Variants in TENM2 observed in about 807,000 individuals in gnomAD.
The protein encoded by TENM2 is teneurin transmembrane protein 2, also known as teneurin-2.
TENM2 carries 52 observed loss-of-function variants against 245.2 expected under a neutral mutation model. That is an observed-to-expected ratio of 0.21 (90% confidence interval 0.17 to 0.27). TENM2 has a LOEUF of 0.27. Ranked by LOEUF, TENM2 falls within the 10% of genes least tolerant of loss-of-function variation. The pLI, the probability that TENM2 is intolerant of heterozygous loss-of-function variation, is 1.00. For synonymous variants in TENM2, 1,363 were observed against 1,438.9 expected (o/e 0.95, Z 1.19); for missense variants, 3,046 against 3,666.8 (o/e 0.83, Z 4.37).
the TENM2 span, among the ~76,000 whole-genome samples, chr5:166,989,685 C>A: frequency 6.6e-6 from 1 of 151,608 alleles, no homozygotes; most frequent in African/African-American, 2.4e-5. Flanking sequence ...AGCCACTGCA[C>A]CTGGCCTACC....
the TENM2 span, among the ~76,000 whole-genome samples, chr5:167,106,550 A>C: frequency 6.6e-6 from 1 of 152,248 alleles, no homozygotes; most frequent in Non-Finnish European, 1.5e-5. Flanking sequence ...ATTTTGATTT[A>C]ATTCTAGAGG....
At chr5:167,413,297 T>C (rs1418678325) in intron 2 of TENM2, among the ~76,000 whole-genome samples, 1 of 152,062 alleles carries the variant, frequency 6.6e-6, no homozygotes, top group African/African-American at 2.4e-5. Context: ...TGTAGGTCTC[T>C]GATTGAGTAA....
At chr5:167,364,429 T>C (rs1759916116) in intron 1 of TENM2, among the ~76,000 whole-genome samples, 1 of 151,992 alleles carries the variant, frequency 6.6e-6, no homozygotes, top group Admixed American at 6.6e-5. Flanking sequence ...CAGGAAAACA[T>C]AAATAATAAA....
At chr5:168,259,313 C>T (rs993713885) in intron 27 of TENM2, among the ~76,000 whole-genome samples, 8 of 152,076 alleles carry the variant, frequency 5.3e-5, no homozygotes, top group African/African-American at 1.9e-4. Context: ...CTGGGCCGGG[C>T]ACGGTGGCTC....
intron 2 of TENM2, among the ~76,000 whole-genome samples, chr5:167,563,227 G>A (rs1028203629): frequency 1.3e-5 from 2 of 152,210 alleles, no homozygotes; most frequent in Non-Finnish European, 2.9e-5. Context: ...ACCCTTTGGA[G>A]GCATCTTTCT....
In TENM2 at chr5:167,438,528, A is replaced by G. The variant is rs138142069; in HGVS notation, c.502+63055A>G. Among the ~76,000 whole-genome samples, 456 of 151,974 alleles carry G rather than the reference A, an allele frequency of 3.0e-3. 2 individuals are homozygous for G. Among genetic ancestry groups the G allele is most frequent in the African/African-American group, 0.01 (435 of 41,436 alleles). ...TGCCTCAGCCTCCCAAGTAGCTGGGACTACAGGTGACTGCCACCACGCCTG... is the reference window on the plus strand; with the variant it reads ...TGCCTCAGCCTCCCAAGTAGCTGGGGCTACAGGTGACTGCCACCACGCCTG... On this transcript the variant is annotated intron_variant, in intron 2 of 28. Coordinates refer to ENST00000518659, the Ensembl canonical transcript of TENM2.
chr5:168,012,648 AAAAAAAAAAAAAC>A (rs1356717900), intron 5 of TENM2, among the ~76,000 whole-genome samples: 1 of 119,886 alleles, frequency 8.3e-6, no homozygotes, highest in African/African-American at 3.9e-5. Flanking sequence ...ACTCTGTCTC[AAAAAAAAAAAAAC>A]AAAAAAAAAA....
rs574468293 is a variant in TENM2 at position 168,049,062 on chromosome 5, C to T, written c.1309+1513C>T. On this transcript the variant is annotated intron_variant, in intron 6 of 28. Coordinates refer to ENST00000518659, the Ensembl canonical transcript of TENM2. ...ACACTGTCTGCTCCTTCAGTTTTATCTAGGGCAATGGTTCTTAGTCATAGC... is the reference window on the plus strand; with the variant it reads ...ACACTGTCTGCTCCTTCAGTTTTATTTAGGGCAATGGTTCTTAGTCATAGC... Among the ~76,000 whole-genome samples, 26 of 152,336 alleles carry T rather than the reference C, an allele frequency of 1.7e-4. 1 individual carries two copies. In the South Asian group the frequency reaches 5.4e-3, roughly 32 times the overall value.
intron 10 of TENM2, 84 bp from the exon 13 acceptor site, chr5:168,124,766 C>T (rs989028037): frequency 7.5e-7 from 1 of 1,336,390 alleles, no homozygotes; most frequent in Non-Finnish European, 1.0e-6. Context: ...CTGGTCCATT[C>T]AGCAGCAAGC....
intron 2 of TENM2, among the ~76,000 whole-genome samples, chr5:167,516,672 G>A (rs1014146958): frequency 6.6e-6 from 1 of 152,136 alleles, no homozygotes; most frequent in African/African-American, 2.4e-5. Context: ...CCATTTACTT[G>A]TTGATTATTA....
the TENM2 span, among the ~76,000 whole-genome samples, chr5:167,214,383 G>A: frequency 1.3e-5 from 2 of 152,086 alleles, no homozygotes; most frequent in Non-Finnish European, 1.5e-5. Flanking sequence ...ATAGAAATAT[G>A]GCCAGTCCTT....
chr5:168,134,497 A>C (rs572665355), intron 12 of TENM2, among the ~76,000 whole-genome samples: 73 of 152,142 alleles, frequency 4.8e-4, no homozygotes, highest in African/African-American at 1.6e-3. Context: ...ACCAGCCTGG[A>C]CAACATAGTG....
At chr5:168,219,820 A>G (rs1763502484) in intron 23 of TENM2, among the ~76,000 whole-genome samples, 1 of 128,532 alleles carries the variant, frequency 7.8e-6, no homozygotes, top group East Asian at 2.5e-4. Context: ...GAGAGTTGGC[A>G]CAGCAAAAAA....
At chr5:167,201,200 A>C in the TENM2 span, among the ~76,000 whole-genome samples, 1 of 152,218 alleles carries the variant, frequency 6.6e-6, no homozygotes, top group Non-Finnish European at 1.5e-5. Context: ...TTAAGGTGAG[A>C]AATACTTCTA....
At chr5:168,209,381 T>C (rs1326194018) in intron 19 of TENM2, among the ~76,000 whole-genome samples, 1 of 152,212 alleles carries the variant, frequency 6.6e-6, no homozygotes, top group Non-Finnish European at 1.5e-5. Context: ...CTCTCTGCAG[T>C]GATGCTAGAC....
At chr5:167,802,971 T>C (rs1162990364) in intron 2 of TENM2, among the ~76,000 whole-genome samples, 8 of 152,078 alleles carry the variant, frequency 5.3e-5, no homozygotes, top group Admixed American at 6.6e-5. Flanking sequence ...GAAAATCAAA[T>C]GAGTATTTGC....
the TENM2 span, among the ~76,000 whole-genome samples, chr5:167,246,418 A>T: frequency 3.9e-5 from 6 of 152,100 alleles, no homozygotes; most frequent in African/African-American, 1.4e-4. Context: ...TATAAATTAC[A>T]TAGATATATG....
intron 8 of TENM2, among the ~76,000 whole-genome samples, chr5:168,094,893 C>A (rs1793232306): frequency 6.6e-6 from 1 of 152,048 alleles, no homozygotes; most frequent in Admixed American, 6.6e-5. Flanking sequence ...GTCAGATCAG[C>A]AGCAGCATTA....
the TENM2 span, among the ~76,000 whole-genome samples, chr5:167,145,488 A>G: frequency 6.6e-6 from 1 of 152,222 alleles, no homozygotes; most frequent in Admixed American, 6.5e-5. Context: ...GAAGGAACAG[A>G]ACATACCACA....
Sources: gnomAD v4.1 joint callset for allele counts (sites outside exome capture counted in the v4.1 genomes callset) on GRCh38, gnomAD v4.1.1 for gene constraint, MANE v1.5 for transcripts, NCBI Gene and HGNC (gene_info 2026-07-23, HGNC 2026-07-21) for gene names.